BCAR1: variants seen among roughly 807,000 people sequenced by gnomAD.
BCAR1 encodes breast cancer anti-estrogen resistance protein 1.
Under a neutral mutation model 67.6 loss-of-function variants are expected in BCAR1, and 30 were observed. That is an observed-to-expected ratio of 0.44 (90% CI 0.33 to 0.60). The LOEUF (loss-of-function observed/expected upper bound fraction) is 0.60, where lower values mean the gene tolerates loss of function less well. Among genes scored for constraint, BCAR1 ranks in the 20% least tolerant of loss-of-function variants. The pLI is 0.02. For missense variants in BCAR1, 1,313 were observed against 1,222.3 expected (o/e 1.07, Z -1.11); for synonymous variants, 626 against 556.7 (o/e 1.12, Z -1.75).
At chr16:75,243,743 G>A (rs1233906357) in intron 1 of BCAR1, among the ~76,000 whole-genome samples, 4 of 152,222 alleles carry the variant, frequency 2.6e-5, no homozygotes, top group African/African-American at 7.2e-5. Context: ...CAAGCAGTCC[G>A]AGAGGGACTT....
chr16:75,250,090 G>C (rs1472353668), intron 1 of BCAR1: 1 of 152,526 alleles, frequency 6.6e-6, no homozygotes, highest in East Asian at 1.9e-4. Context: ...CATGGTACCA[G>C]TACACAGTGC....
chr16:75,234,434 G>T (rs1179361604), intron 5 of BCAR1, among the ~76,000 whole-genome samples: 2 of 152,154 alleles, frequency 1.3e-5, no homozygotes, highest in East Asian at 3.8e-4. Context: ...TGGCCTAAAG[G>T]CCTGGCCACC....
chr16:75,247,796 C>A (rs1012948882), intron 1 of BCAR1: 3 of 526,696 alleles, frequency 5.7e-6, no homozygotes. Context: ...TGGCCTGCAC[C>A]CTTTCACCCA....
In BCAR1 at chr16:75,229,976, G is replaced by A. The variant is rs1490142309; in HGVS notation, c.2148C>T (p.Asp716=). 1.3e-6 allele frequency: 2 copies of A among 1,580,652 alleles called. No homozygotes were observed. Among genetic ancestry groups the A allele is most frequent in the East Asian group, 4.5e-5 (2 of 44,416 alleles). The part of the protein sequence containing the change: ...RLEQEVSRPI[D]HDLANWTPAQ... ...CTGGCGTCCAGTTGGCCAGGTCGTG[G>A]TCTATGGGCCGTGACACCTCCTGTT... Residue 716 remains aspartate (D), a synonymous_variant, in exon 7 of 7, where the codon GAC becomes GAT. Transcript: ENST00000162330.
At chr16:75,262,527 C>G (rs960219659) in intron 1 of BCAR1, among the ~76,000 whole-genome samples, 1 of 152,194 alleles carries the variant, frequency 6.6e-6, no homozygotes, top group African/African-American at 2.4e-5. Context: ...CAAGGCCCAG[C>G]GGCAGAAGAG....
At chr16:75,261,819 C>G (rs1345884355) in intron 1 of BCAR1, among the ~76,000 whole-genome samples, 1 of 152,222 alleles carries the variant, frequency 6.6e-6, no homozygotes, top group East Asian at 1.9e-4. Flanking sequence ...TGGGTCCAGC[C>G]CAGCCTCCTC....
chr16:75,262,330 G>C (rs932388892), intron 1 of BCAR1, among the ~76,000 whole-genome samples: 4 of 152,224 alleles, frequency 2.6e-5, no homozygotes, highest in African/African-American at 7.2e-5. Context: ...AAGCAGTCAT[G>C]GGTTCTGCAG....
intron 2 of BCAR1, among the ~76,000 whole-genome samples, chr16:75,241,947 C>G (rs2077356212): frequency 6.6e-6 from 1 of 152,194 alleles, no homozygotes; most frequent in Non-Finnish European, 1.5e-5. Context: ...ATCTCAGGGG[C>G]AGCGTCCTCC....
intron 1 of BCAR1, among the ~76,000 whole-genome samples, chr16:75,257,064 C>CTG (rs2151472679): frequency 6.6e-6 from 1 of 152,284 alleles, no homozygotes; most frequent in South Asian, 2.1e-4. Context: ...GAAAGAGGGG[C>CTG]AAAGGGGCAA....
chr16:75,231,544 G>C (rs1193599156), intron 6 of BCAR1, among the ~76,000 whole-genome samples: 1 of 152,232 alleles, frequency 6.6e-6, no homozygotes, highest in East Asian at 1.9e-4. Context: ...TCATCAGTAA[G>C]TCTTCATGGA....
intron 5 of BCAR1, among the ~76,000 whole-genome samples, chr16:75,234,311 C>A (rs1418433110): frequency 3.3e-5 from 5 of 152,188 alleles, no homozygotes; most frequent in Admixed American, 6.5e-5. Context: ...CTTTCACCGC[C>A]TGCCAGCTCA....
At chr16:75,234,849 G>A (rs199953279) in intron 5 of BCAR1, 40 bp downstream of exon 5, 22 of 1,515,202 alleles carry the variant, frequency 1.5e-5, no homozygotes, top group Middle Eastern at 2.1e-4. Flanking sequence ...GGAGCCCAGC[G>A]TGGCAGAAGA....
upstream of BCAR1, among the ~76,000 whole-genome samples, chr16:75,253,331 G>A (rs116887653): frequency 0.024 from 3,584 of 152,310 alleles, 83 homozygotes; most frequent in Middle Eastern, 0.11. Context: ...CACTTCTGTG[G>A]GGAGGGGAGA....
In BCAR1 at chr16:75,235,629, C is replaced by G; in HGVS notation, c.1270G>C (p.Gly424Arg). Residue 424 changes from glycine (G) to arginine (R), a missense_variant, in exon 5 of 7, where the codon GGC becomes CGC. Physicochemically the swap from Gly to Arg is moderately radical, Grantham distance 125 (BLOSUM62 -2). This residue lies in a region of BCAR1 where 1,272 missense variants were observed against 1,137.5 expected (regional missense o/e 1.12). Transcript: ENST00000162330. ...PPAEREAPAE[G>R]KRLSASSTGS... ...GTGCTGGAGGCCGACAGGCGCTTGC[C>G]CTCTGCCGGGGCTTCACGTTCAGCT... The G allele has an allele frequency of 6.2e-7, 1 of 1,605,366 alleles. No homozygotes were observed. Among genetic ancestry groups the G allele is most frequent in the African/African-American group, 1.3e-5 (1 of 74,908 alleles).
Position 75,242,620 on chromosome 16 carries a change from G to A in BCAR1, c.483C>T (p.Ala161=), listed in dbSNP as rs762624399. The change falls in exon 2 of 7, where the codon GCC becomes GCT. Residue 161 remains alanine (A), a synonymous_variant. Coordinates refer to ENST00000162330, the MANE Select transcript of BCAR1 (RefSeq NM_014567.5). The stretch of plus-strand genomic sequence containing the variant: ...CTGGGGGCACCTGGTACAGGTCTGT[G>A]GCCGGGCTGGGAAACGGGTGATGGG... ...QTPHHPFPSP[A]TDLYQVPPGP... is the part of the protein sequence containing the mutation. The A allele has an allele frequency of 2.0e-6, 3 of 1,513,922 alleles. No individual in the cohort carries two copies. Among genetic ancestry groups the A allele is most frequent in the East Asian group, 2.3e-5 (1 of 43,216 alleles). 93.8% of individuals were successfully genotyped at this position (1,513,922 alleles called of 1,614,324 possible). A position where few individuals can be genotyped will look rare whatever the true frequency, so the allele number is the denominator to read the frequency against.
chr16:75,265,196 G>A (rs1057115540), intron 1 of BCAR1: 16 of 152,428 alleles, frequency 1.0e-4, no homozygotes, highest in African/African-American at 3.9e-4. Context: ...CGCAGCGAGA[G>A]GAAAACTTCC....
intron 2 of BCAR1, chr16:75,238,174 C>A (rs1413337687): frequency 5.6e-6 from 7 of 1,256,010 alleles, no homozygotes; most frequent in Non-Finnish European, 7.2e-6. Context: ...GGCCACAGGA[C>A]CCCTCACCAG....
rs1170527160 is a variant in BCAR1, at chr16:75,251,457, C to A, written c.12+14G>T. 14 of 1,455,622 alleles carry A rather than the reference C, an allele frequency of 9.6e-6. No individual in the cohort carries two copies. Among genetic ancestry groups the A allele is most frequent in the Middle Eastern group, 1.9e-4 (1 of 5,152 alleles). The allele number at this position is 1,455,622 out of a possible 1,614,324, so 90.2% of individuals were successfully genotyped here. On this transcript the variant is annotated intron_variant, in intron 1 of 6. Coordinates refer to ENST00000162330, the MANE Select transcript of BCAR1 (RefSeq NM_014567.5). ...CAAGCCCGTACGCGGCCCGGCCCCA[C>A]CTGGCGCCCTCACCAGGTGGTTCAT... is the stretch of plus-strand genomic sequence containing the variant.
upstream of BCAR1, among the ~76,000 whole-genome samples, chr16:75,252,960 C>T (rs1342436663): frequency 2.0e-5 from 3 of 152,214 alleles, no homozygotes; most frequent in Non-Finnish European, 2.9e-5. Flanking sequence ...AAAAACTGGA[C>T]GTCTGCATTT....
Sources: gnomAD v4.1 joint callset for allele counts (sites outside exome capture counted in the v4.1 genomes callset) on GRCh38, gnomAD v4.1.1 for gene constraint, gnomAD v4.1.1 regional missense constraint, MANE v1.5 for transcripts, NCBI Gene and HGNC (gene_info 2026-07-23, HGNC 2026-07-21) for gene names.